Variants in ERBB4 observed in about 807,000 individuals in gnomAD.
ERBB4 encodes erb-b2 receptor tyrosine kinase 4, also known as receptor tyrosine-protein kinase erbB-4.
A neutral mutation model predicts 158.0 loss-of-function variants in ERBB4; 42 were observed. That is an observed-to-expected ratio of 0.27 (90% confidence interval 0.21 to 0.34). ERBB4 has a LOEUF of 0.34. ERBB4 is among the 10% of genes least tolerant of loss of function. The probability of loss-of-function intolerance (pLI) is 1.00; values close to 1 mark genes in which losing one functional copy is unlikely to be tolerated. For synonymous variants in ERBB4, 583 were observed against 558.7 expected (o/e 1.04, Z -0.61); for missense variants, 1,333 against 1,624.1 (o/e 0.82, Z 3.08).
intron 4 of ERBB4, among the ~76,000 whole-genome samples, chr2:211,764,470 G>A (rs547795183): frequency 1.4e-4 from 22 of 152,262 alleles, no homozygotes; most frequent in African/African-American, 5.1e-4. Context: ...ATGCTAAAGA[G>A]GTAGTTATAG....
intron 1 of ERBB4, among the ~76,000 whole-genome samples, chr2:212,284,132 T>C (rs560308722): frequency 2.0e-5 from 3 of 152,248 alleles, no homozygotes; most frequent in African/African-American, 7.2e-5. Context: ...AAAGTTTTTA[T>C]TCAACGTAAT....
chr2:212,306,428 C>T (rs563780300), intron 1 of ERBB4, among the ~76,000 whole-genome samples: 1 of 151,578 alleles, frequency 6.6e-6, no homozygotes, highest in South Asian at 2.1e-4. Flanking sequence ...CTAGAACAGT[C>T]AGCCATGGAC....
At chr2:211,515,898 A>T (rs10200575) in intron 20 of ERBB4, among the ~76,000 whole-genome samples, 15 of 83,226 alleles carry the variant, frequency 1.8e-4, no homozygotes, top group East Asian at 6.4e-4. Flanking sequence ...AACATATATT[A>T]TATATATATA....
chr2:211,591,186 T>C (rs1329627771), intron 19 of ERBB4, among the ~76,000 whole-genome samples: 1 of 152,242 alleles, frequency 6.6e-6, no homozygotes, highest in Non-Finnish European at 1.5e-5. Context: ...TATTTACTTA[T>C]TAAAATTAGA....
chr2:211,952,365 T>C (rs192520431), intron 2 of ERBB4, among the ~76,000 whole-genome samples: 25 of 152,116 alleles, frequency 1.6e-4, no homozygotes, highest in Admixed American at 8.5e-4. Context: ...TAACGTGGTT[T>C]GAGATGATAT....
intron 20 of ERBB4, among the ~76,000 whole-genome samples, chr2:211,481,871 CAACTT>C (rs2065091700): frequency 6.6e-6 from 1 of 152,106 alleles, no homozygotes; most frequent in Admixed American, 6.6e-5. Flanking sequence ...ATCTAAAAAA[CAACTT>C]AAAAAACTGG....
At chr2:211,946,576 CTTTTTTT>C (rs56007115) in intron 3 of ERBB4, among the ~76,000 whole-genome samples, 16 of 49,586 alleles carry the variant, frequency 3.2e-4, no homozygotes, top group Admixed American at 1.7e-3. Context: ...AATTAGCTCT[CTTTTTTT>C]TTTTTTTTTT....
intron 19 of ERBB4, among the ~76,000 whole-genome samples, chr2:211,583,460 G>A (rs1393209534): frequency 6.6e-6 from 1 of 151,718 alleles, no homozygotes; most frequent in Non-Finnish European, 1.5e-5. Flanking sequence ...AATATCATGA[G>A]TAAGTTATTT....
intron 1 of ERBB4, among the ~76,000 whole-genome samples, chr2:212,170,074 T>C (rs116414653): frequency 1.3e-5 from 2 of 151,898 alleles, no homozygotes; most frequent in Non-Finnish European, 2.9e-5. Context: ...TGGGCAGAGG[T>C]TGGAACAATT....
At chr2:212,151,714 C>T (rs1400612006) in intron 1 of ERBB4, among the ~76,000 whole-genome samples, 1 of 151,958 alleles carries the variant, frequency 6.6e-6, no homozygotes, top group African/African-American at 2.4e-5. Context: ...CATGGAGAAA[C>T]CCTGTCTCTA....
At chr2:211,534,527 A>G (rs574528646) in intron 20 of ERBB4, among the ~76,000 whole-genome samples, 1 of 152,166 alleles carries the variant, frequency 6.6e-6, no homozygotes, top group Non-Finnish European at 1.5e-5. Context: ...CATGATTTGA[A>G]ATGGCCAGTG....
At position 211,580,864 on chromosome 2, in the gene ERBB4, TAC is replaced by T. The variant is rs1559317601; in HGVS notation, c.2302-18778_2302-18777del. Among the ~76,000 whole-genome samples the T allele has an allele frequency of 1.6e-3, 15 of 9,636 alleles. 1 individual carries two copies. The highest frequency in any genetic ancestry group is 0.015 in the South Asian group (2 of 130). 6.3% of individuals were successfully genotyped at this position (9,636 alleles called of 152,430 possible). ...ATATATTATATATATAGTATGCATA[TAC>T]ATATATATATATATATATATATATA... is the stretch of plus-strand genomic sequence containing the variant. On this transcript the variant is annotated intron_variant, in intron 19 of 27. Coordinates refer to ENST00000342788, the MANE Select transcript of ERBB4 (RefSeq NM_005235.3).
At chr2:211,863,115 C>T (rs2078109039) in intron 3 of ERBB4, among the ~76,000 whole-genome samples, 1 of 148,276 alleles carries the variant, frequency 6.7e-6, no homozygotes, top group Admixed American at 6.6e-5. Context: ...CACAAATCAG[C>T]ACTCTGTAAA....
intron 1 of ERBB4, among the ~76,000 whole-genome samples, chr2:212,371,114 T>A (rs1025023403): frequency 6.6e-6 from 1 of 152,132 alleles, no homozygotes; most frequent in Non-Finnish European, 1.5e-5. Flanking sequence ...ATCCTCCAGA[T>A]TTTTACTGCC....
chr2:211,950,639 CA>C (rs1399139249), intron 2 of ERBB4, among the ~76,000 whole-genome samples: 1 of 151,896 alleles, frequency 6.6e-6, no homozygotes, highest in African/African-American at 2.4e-5. Context: ...CCTAATGGAG[CA>C]AAAGTGGAGA....
intron 1 of ERBB4, among the ~76,000 whole-genome samples, chr2:212,394,082 G>C (rs573506341): frequency 1.3e-5 from 2 of 152,120 alleles, no homozygotes; most frequent in South Asian, 4.2e-4. Context: ...ACTAGTGAAT[G>C]ATTAAAATAT....
Position 211,382,951 on chromosome 2 carries a change from G to C in ERBB4, c.*664C>G, listed in dbSNP as rs1165761337. The C allele has an allele frequency of 8.6e-6, 2 of 232,430 alleles. No individual in the cohort carries two copies. Among genetic ancestry groups the C allele is most frequent in the African/African-American group, 4.4e-5 (2 of 45,264 alleles). The allele number at this position is 232,430 out of a possible 1,614,324, so 14.4% of individuals were successfully genotyped here. ...GGAGCAAATATAAAGGAATCGGTCA[G>C]AGCAAAACAAAATGAAAAAAACCAA... On this transcript the variant is annotated 3_prime_UTR_variant, in exon 28 of 28. Transcript: ENST00000342788.
intron 1 of ERBB4, among the ~76,000 whole-genome samples, chr2:212,240,895 C>T (rs567585722): frequency 2.0e-5 from 3 of 151,900 alleles, no homozygotes; most frequent in African/African-American, 7.3e-5. Flanking sequence ...TATTAGTCTG[C>T]CTCTTGTTAT....
rs572436309 is a variant in ERBB4 at position 211,998,912 on chromosome 2, C to T, written c.235-51296G>A. On this transcript the variant is annotated intron_variant, in intron 2 of 27. Coordinates refer to ENST00000342788, the MANE Select transcript of ERBB4 (RefSeq NM_005235.3). ...TATGATTACCTTTATGTCAATTTTT[C>T]TTTACTCAATAAGAAACAAAATAAC... Among the ~76,000 whole-genome samples, 5 of 151,918 alleles carry T rather than the reference C, an allele frequency of 3.3e-5. No individual in the cohort carries two copies. In the South Asian group the frequency reaches 1.0e-3, roughly 32 times the overall value.
Sources: allele counts gnomAD v4.1 joint callset (sites outside exome capture counted in the v4.1 genomes callset), GRCh38; gene constraint gnomAD v4.1.1; transcripts MANE v1.5; gene names NCBI Gene and HGNC (gene_info 2026-07-23, HGNC 2026-07-21).